FGF12: variants seen among roughly 807,000 people sequenced by gnomAD.
FGF12 encodes fibroblast growth factor 12B.
In FGF12, 14 loss-of-function variants were observed where a neutral mutation model predicts 23.6. That is an observed-to-expected ratio of 0.59 (90% confidence interval 0.39 to 0.93). The LOEUF (loss-of-function observed/expected upper bound fraction) is 0.93. Ranked by LOEUF, FGF12 falls within the 40% of genes least tolerant of loss-of-function variation. The pLI is 0.00. For missense variants in FGF12, 175 were observed against 217.8 expected (o/e 0.80, Z 1.24); for synonymous variants, 62 against 77.3 (o/e 0.80, Z 1.04).
chr3:192,260,459 T>G (rs1201798905), intron 4 of FGF12, among the ~76,000 whole-genome samples: 2 of 152,188 alleles, frequency 1.3e-5, no homozygotes, highest in Admixed American at 1.3e-4. Flanking sequence ...AACAAATCCT[T>G]GGACTGGGAT....
intron 4 of FGF12, among the ~76,000 whole-genome samples, chr3:192,289,628 G>A (rs964742632): frequency 1.1e-4 from 17 of 152,106 alleles, no homozygotes; most frequent in Non-Finnish European, 2.2e-4. Flanking sequence ...TGGGATTATC[G>A]ACTGCATCTC....
At chr3:192,660,680 G>A (rs1716631526) in intron 2 of FGF12, among the ~76,000 whole-genome samples, 1 of 152,126 alleles carries the variant, frequency 6.6e-6, no homozygotes, top group Admixed American at 6.5e-5. Flanking sequence ...CAGAGCCAAA[G>A]AAGTATCTTC....
At chr3:192,676,827 T>C (rs745831560) in intron 2 of FGF12, among the ~76,000 whole-genome samples, 1 of 152,196 alleles carries the variant, frequency 6.6e-6, no homozygotes, top group Non-Finnish European at 1.5e-5. Context: ...GGAAGAGGCA[T>C]GGAATGGAAC....
At chr3:192,545,206 C>T (rs1725465730) in intron 2 of FGF12, among the ~76,000 whole-genome samples, 1 of 152,142 alleles carries the variant, frequency 6.6e-6, no homozygotes, top group Non-Finnish European at 1.5e-5. Context: ...ATGTAGGTAC[C>T]AACCGAACAC....
intron 2 of FGF12, among the ~76,000 whole-genome samples, chr3:192,551,840 A>G (rs1711541984): frequency 6.6e-6 from 1 of 152,188 alleles, no homozygotes; most frequent in Non-Finnish European, 1.5e-5. Flanking sequence ...ACATGCAAAG[A>G]TGTAGGAAAA....
intron 2 of FGF12, among the ~76,000 whole-genome samples, chr3:192,420,337 C>G (rs1312651010): frequency 2.0e-5 from 3 of 149,890 alleles, no homozygotes; most frequent in Non-Finnish European, 4.5e-5. Flanking sequence ...GGTTATTTCC[C>G]ACGAGATCTA....
chr3:192,409,060 C>CGGGAGGCGA lies in FGF12; in HGVS notation c.14-48531_14-48523dup. The CGGGAGGCGA allele has an allele frequency of 3.1e-6, 2 of 635,028 alleles. No homozygotes were observed. Among genetic ancestry groups the CGGGAGGCGA allele is most frequent in the African/African-American group, 3.5e-5 (1 of 28,234 alleles). 39.3% of individuals were successfully genotyped at this position (635,028 alleles called of 1,614,324 possible). A position where few individuals can be genotyped will look rare whatever the true frequency, so the allele number is the denominator to read the frequency against. The stretch of plus-strand genomic sequence containing the variant: ...CCGGCCAGCAGCACTGCAAAGAGAG[C>CGGGAGGCGA]GGGAGGCGAGGGAGGGGGGAGGGCG... On this transcript the variant is annotated intron_variant, in intron 2 of 5. Transcript: ENST00000445105. The surrounding 1 kb of genome is among the most constrained non-coding windows in gnomAD (Gnocchi z 4.8).
intron 5 of FGF12, among the ~76,000 whole-genome samples, chr3:192,161,890 T>G (rs9863271): frequency 0.38 from 58,486 of 151,964 alleles, 13,560 homozygotes; most frequent in Non-Finnish European, 0.53. Context: ...TGTCACTCTG[T>G]AGTGGAGAGT....
rs148098909 is a variant in FGF12, at chr3:192,407,880, T to A, written c.14-47342A>T. 123 of 907,954 alleles carry A rather than the reference T, an allele frequency of 1.4e-4. 1 individual carries two copies. In the East Asian group the frequency reaches 3.0e-3, roughly 22 times the overall value. 56.2% of individuals were successfully genotyped at this position (907,954 alleles called of 1,614,324 possible). ...AAGAAGCTATTAACTGACAGAGTGG[T>A]TGAAAGAAGTCTGGAAATGAGAGAA... On this transcript the variant is annotated intron_variant, in intron 2 of 5. Coordinates refer to ENST00000445105, the MANE Select transcript of FGF12 (RefSeq NM_004113.6).
intron 2 of FGF12, among the ~76,000 whole-genome samples, chr3:192,704,957 C>T (rs1000535851): frequency 6.6e-6 from 1 of 152,238 alleles, no homozygotes; most frequent in Non-Finnish European, 1.5e-5. Flanking sequence ...TCATCTCTCT[C>T]AGCCTTCACA....
intron 2 of FGF12, among the ~76,000 whole-genome samples, chr3:192,536,004 G>A (rs553837211): frequency 6.6e-6 from 1 of 152,168 alleles, no homozygotes; most frequent in African/African-American, 2.4e-5. Flanking sequence ...TACATAGCTT[G>A]TAGGGTAACA....
chr3:192,198,587 A>G (rs764885452), intron 4 of FGF12, among the ~76,000 whole-genome samples: 1 of 152,228 alleles, frequency 6.6e-6, no homozygotes, highest in Non-Finnish European at 1.5e-5. Context: ...AGTGCCTATG[A>G]GTCTAAAATA....
intron 2 of FGF12, among the ~76,000 whole-genome samples, chr3:192,576,346 G>GA: frequency 6.6e-6 from 1 of 152,206 alleles, no homozygotes; most frequent in East Asian, 1.9e-4. Flanking sequence ...TGAGAGAGCT[G>GA]AAGGTAAGTC....
At chr3:192,607,195 G>T (rs1714369547) in intron 2 of FGF12, among the ~76,000 whole-genome samples, 1 of 152,068 alleles carries the variant, frequency 6.6e-6, no homozygotes, top group African/African-American at 2.4e-5. Context: ...ACTAAAGTTG[G>T]ACAAAAACCC....
At chr3:192,517,671 A>G (rs983144078) in intron 2 of FGF12, among the ~76,000 whole-genome samples, 2 of 152,224 alleles carry the variant, frequency 1.3e-5, no homozygotes, top group South Asian at 2.1e-4. Flanking sequence ...TAGTATGGAC[A>G]TTTGATAATA....
Position 192,408,071 on chromosome 3 carries a change from T to C in FGF12, c.14-47533A>G. 1 of 1,613,030 alleles carries C rather than the reference T, an allele frequency of 6.2e-7. No homozygotes were observed. The highest frequency in any genetic ancestry group is 8.5e-7 in the Non-Finnish European group (1 of 1,179,938). ...TCTTGCGGCCGCTGCAGAAGCGCAC[T>C]TTGCTGAACACCCCGAGGACGTGCC... On this transcript the variant is annotated intron_variant, in intron 2 of 5. Transcript: ENST00000445105. This position sits in a 1 kb window ranked among gnomAD's most constrained non-coding sequence, Gnocchi z 7.3.
chr3:192,386,974 C>T (rs1416688436), intron 2 of FGF12, among the ~76,000 whole-genome samples: 3 of 152,124 alleles, frequency 2.0e-5, no homozygotes, highest in Non-Finnish European at 2.9e-5. Context: ...TCTGTTGCTT[C>T]CTTACCTAGA....
intron 4 of FGF12, among the ~76,000 whole-genome samples, chr3:192,292,064 GA>G (rs1714785339): frequency 6.6e-6 from 1 of 152,102 alleles, no homozygotes; most frequent in African/African-American, 2.4e-5. Flanking sequence ...ACCAAAATAT[GA>G]AAATGGCTAA....
intron 2 of FGF12, among the ~76,000 whole-genome samples, chr3:192,435,435 C>A (rs1310330202): frequency 6.6e-6 from 1 of 152,150 alleles, no homozygotes; most frequent in African/African-American, 2.4e-5. Context: ...CTTCTTACTC[C>A]CAGGACTGCT....
Sources: allele counts gnomAD v4.1 joint callset (sites outside exome capture counted in the v4.1 genomes callset), GRCh38; gene constraint gnomAD v4.1.1; non-coding constraint Gnocchi (gnomAD v3.1); transcripts MANE v1.5; gene names NCBI Gene and HGNC (gene_info 2026-07-23, HGNC 2026-07-21).